The following NEGR1 variants were observed in gnomAD, a reference collection of about 807,000 sequenced individuals.
NEGR1 encodes IgLON family member 4.
Under a neutral mutation model 40.9 loss-of-function variants are expected in NEGR1, and 10 were observed. That is an observed-to-expected ratio of 0.24 (90% CI 0.15 to 0.42). NEGR1 has a LOEUF of 0.42. Among genes scored for constraint, NEGR1 ranks in the 10% least tolerant of loss-of-function variants. NEGR1 has a pLI of 1.00. For synonymous variants in NEGR1, 185 were observed against 166.8 expected, an observed-to-expected ratio of 1.11 and a Z score of -0.84; for missense variants, 352 against 438.9, an observed-to-expected ratio of 0.80 and a Z score of 1.77.
At chr1:71,963,158 C>T (rs1039736044) in intron 1 of NEGR1, among the ~76,000 whole-genome samples, 3 of 151,972 alleles carry the variant, frequency 2.0e-5, no homozygotes, top group Admixed American at 6.6e-5. Context: ...AAACAGCTTG[C>T]TTGCCTTTAT....
chr1:72,197,922 T>A (rs1375713949), intron 1 of NEGR1, among the ~76,000 whole-genome samples: 1 of 152,082 alleles, frequency 6.6e-6, no homozygotes, highest in East Asian at 1.9e-4. Flanking sequence ...TTTAATTCAG[T>A]ATTTTCCTTT....
At chr1:71,685,783 T>G (rs139775129) in intron 4 of NEGR1, among the ~76,000 whole-genome samples, 1 of 152,360 alleles carries the variant, frequency 6.6e-6, no homozygotes, top group African/African-American at 2.4e-5. Context: ...AAGTATAATC[T>G]TGGATTTCAT....
At chr1:72,238,792 T>C (rs983296140) in intron 1 of NEGR1, among the ~76,000 whole-genome samples, 1 of 151,938 alleles carries the variant, frequency 6.6e-6, no homozygotes, top group East Asian at 1.9e-4. Context: ...AGAAAGATAC[T>C]TGGTTTCCCA....
chr1:71,769,260 T>G (rs1656235062), intron 3 of NEGR1, among the ~76,000 whole-genome samples: 1 of 152,168 alleles, frequency 6.6e-6, no homozygotes, highest in Non-Finnish European at 1.5e-5. Context: ...ATCAGAAGCC[T>G]CATGTATACT....
At chr1:71,691,604 A>G (rs1653282666) in intron 4 of NEGR1, among the ~76,000 whole-genome samples, 1 of 151,888 alleles carries the variant, frequency 6.6e-6, no homozygotes, top group Non-Finnish European at 1.5e-5. Flanking sequence ...TCATTTGATT[A>G]ATATTCAGAT....
chr1:71,871,320 A>C (rs2101833187), intron 2 of NEGR1, among the ~76,000 whole-genome samples: 1 of 152,324 alleles, frequency 6.6e-6, no homozygotes, highest in South Asian at 2.1e-4. Context: ...AAATTCCAAT[A>C]GTTCTTCAGA....
intron 1 of NEGR1, among the ~76,000 whole-genome samples, chr1:71,969,045 G>A (rs1005882849): frequency 2.2e-4 from 33 of 151,106 alleles, no homozygotes; most frequent in African/African-American, 6.6e-4. Flanking sequence ...ACAGAGTTTC[G>A]CTCTTGTTGC....
At chr1:71,782,281 T>A (rs530069650) in intron 2 of NEGR1, among the ~76,000 whole-genome samples, 1 of 152,236 alleles carries the variant, frequency 6.6e-6, no homozygotes, top group East Asian at 1.9e-4. Context: ...CCCTCTCCAG[T>A]GCCTCGATCT....
At chr1:71,473,701 T>C (rs980672820) in intron 6 of NEGR1, among the ~76,000 whole-genome samples, 1 of 152,072 alleles carries the variant, frequency 6.6e-6, no homozygotes, top group African/African-American at 2.4e-5. Flanking sequence ...CTGGACCTTA[T>C]GGATGTACGG....
intron 2 of NEGR1, among the ~76,000 whole-genome samples, chr1:71,898,949 A>AATATATATATATAGC (rs1553173446): frequency 1.2e-4 from 14 of 119,348 alleles, no homozygotes; most frequent in African/African-American, 4.1e-4. Context: ...ATATATTGCA[A>AATATATATATATAGC]ATATATATAT....
chr1:72,227,304 G>GT (rs1654223538), intron 1 of NEGR1, among the ~76,000 whole-genome samples: 1 of 151,966 alleles, frequency 6.6e-6, no homozygotes, highest in Non-Finnish European at 1.5e-5. Flanking sequence ...GTTTAAAATT[G>GT]TATCATCCTG....
At chr1:72,058,859 T>A (rs1647139155) in intron 1 of NEGR1, among the ~76,000 whole-genome samples, 1 of 151,734 alleles carries the variant, frequency 6.6e-6, no homozygotes, top group Non-Finnish European at 1.5e-5. Context: ...TTTCATGCAC[T>A]TTTGTGAGCG....
chr1:71,520,261 G>C (rs1252554361), intron 6 of NEGR1, among the ~76,000 whole-genome samples: 1 of 152,064 alleles, frequency 6.6e-6, no homozygotes, highest in African/African-American at 2.4e-5. Context: ...GTCTGCCACA[G>C]ACTAATTGCC....
rs1361612372 is a variant in NEGR1 at position 71,396,508 on chromosome 1, T to C, written c.*10938A>G. 6.6e-6 allele frequency: 1 copy of C among 152,258 alleles called. No individual in the cohort carries two copies. Among genetic ancestry groups the C allele is most frequent in the East Asian group, 1.9e-4 (1 of 5,200 alleles). 9.4% of individuals were successfully genotyped at this position (152,258 alleles called of 1,614,324 possible). A position where few individuals can be genotyped will look rare whatever the true frequency, so the allele number is the denominator to read the frequency against. ...AAATAACAGGTTCTTCTTGAAATGA[T>C]ACTAGCTTGAGAATGTGCCTCAACA... On this transcript the variant is annotated 3_prime_UTR_variant, in exon 7 of 7. Coordinates refer to ENST00000357731, the MANE Select transcript of NEGR1 (RefSeq NM_173808.3).
At chr1:71,897,668 A>G (rs2101858351) in intron 2 of NEGR1, among the ~76,000 whole-genome samples, 1 of 152,336 alleles carries the variant, frequency 6.6e-6, no homozygotes, top group South Asian at 2.1e-4. Flanking sequence ...AAAATTTGCT[A>G]ATGGTATAAA....
chr1:72,109,547 C>T lies in NEGR1; in HGVS notation c.176+172772G>A, dbSNP rs184825484. ...AGACAAATGTTATAATAATTGTTCTCCTGCAGATCCTTTTCATATTCCAAA... is the reference window on the plus strand; with the variant it reads ...AGACAAATGTTATAATAATTGTTCTTCTGCAGATCCTTTTCATATTCCAAA... On this transcript the variant is annotated intron_variant, in intron 1 of 6. Coordinates refer to ENST00000357731, the MANE Select transcript of NEGR1 (RefSeq NM_173808.3). 2.0e-5 allele frequency among the ~76,000 whole-genome samples: 3 copies of T among 151,614 alleles called. No individual in the cohort carries two copies. In the East Asian group the frequency reaches 5.8e-4, roughly 29 times the overall value.
At chr1:72,100,288 C>A (rs1267832761) in intron 1 of NEGR1, among the ~76,000 whole-genome samples, 1 of 152,164 alleles carries the variant, frequency 6.6e-6, no homozygotes, top group Non-Finnish European at 1.5e-5. Flanking sequence ...CTAGCCCCTG[C>A]TGAGAAAACC....
intron 1 of NEGR1, among the ~76,000 whole-genome samples, chr1:72,156,830 T>C (rs1651375426): frequency 6.6e-6 from 1 of 152,192 alleles, no homozygotes; most frequent in Non-Finnish European, 1.5e-5. Flanking sequence ...CTGTCTGCTT[T>C]TTAAATATAA....
intron 1 of NEGR1, among the ~76,000 whole-genome samples, chr1:72,224,480 A>G (rs1654112155): frequency 6.6e-6 from 1 of 152,146 alleles, no homozygotes; most frequent in Admixed American, 6.6e-5. Context: ...ATGCAAATGC[A>G]CTAAATTATT....
Sources: gnomAD v4.1 joint callset for allele counts (sites outside exome capture counted in the v4.1 genomes callset) on GRCh38, gnomAD v4.1.1 for gene constraint, MANE v1.5 for transcripts, NCBI Gene and HGNC (gene_info 2026-07-23, HGNC 2026-07-21) for gene names.